EXTL1: variants seen among roughly 807,000 people sequenced by gnomAD.
The protein encoded by EXTL1 is exostosin-like 1.
A neutral mutation model predicts 64.6 loss-of-function variants in EXTL1; 43 were observed. The observed-to-expected ratio is 0.67, with a 90% CI of 0.52 to 0.86. EXTL1 has a LOEUF of 0.86. Ranked by LOEUF, EXTL1 falls within the 40% of genes least tolerant of loss-of-function variation. EXTL1 has a pLI of 0.00. For missense variants in EXTL1, 766 were observed against 879.0 expected, an observed-to-expected ratio of 0.87 and a Z score of 1.62; for synonymous variants, 352 against 360.5, an observed-to-expected ratio of 0.98 and a Z score of 0.27.
intron 6 of EXTL1, 177 bp from the exon 7 acceptor site, chr1:26,032,219 G>T: frequency 1.8e-6 from 1 of 557,674 alleles, no homozygotes; most frequent in Non-Finnish European, 3.2e-6. Flanking sequence ...TACAAGCCCA[G>T]AGGCAAGGAC....
chr1:26,029,836 T>G, intron 3 of EXTL1, 129 bp downstream of exon 3: 1 of 635,732 alleles, frequency 1.6e-6, no homozygotes, highest in Non-Finnish European at 2.9e-6. Flanking sequence ...GAATTTCTCC[T>G]AGCACCAAGT....
intron 2 of EXTL1, 23 bp downstream of exon 2, chr1:26,029,309 A>G: frequency 6.3e-7 from 1 of 1,588,946 alleles, no homozygotes; most frequent in Non-Finnish European, 8.6e-7. Context: ...TTTGAGCATC[A>G]CCCATCCTCT....
At chr1:26,031,713 A>T in intron 6 of EXTL1, 147 bp downstream of exon 6, 1 of 492,780 alleles carries the variant, frequency 2.0e-6, no homozygotes, top group South Asian at 4.2e-5. Flanking sequence ...TGCCTCCTGT[A>T]AGTCCCAAGA....
Position 26,029,659 on chromosome 1 carries a change from C to T in EXTL1, c.933C>T (p.Ile311=), listed in dbSNP as rs1280725603. The T allele has an allele frequency of 3.1e-6, 5 of 1,612,338 alleles. No individual in the cohort carries two copies. The highest frequency in any genetic ancestry group is 2.2e-5 in the East Asian group (1 of 44,870). Reference sequence around the variant, plus strand: ...GGGAGCTGCCCTTCTCCGAGGTCATCGACTGGACCAAGGCAGCCATCGTAG... The same window carrying T: ...GGGAGCTGCCCTTCTCCGAGGTCATTGACTGGACCAAGGCAGCCATCGTAG... ...PRWELPFSEV[I]DWTKAAIVAD... The change falls in exon 3 of 11, where the codon ATC becomes ATT. Residue 311 remains isoleucine, a synonymous_variant. Transcript: ENST00000374280.
intron 1 of EXTL1, among the ~76,000 whole-genome samples, chr1:26,026,213 T>C (rs2050213575): frequency 7.5e-6 from 1 of 133,374 alleles, no homozygotes; most frequent in African/African-American, 2.9e-5. Flanking sequence ...CACTCCAGCC[T>C]GGGCAGCAGA....
chr1:26,027,106 C>G (rs2050224947), intron 1 of EXTL1, among the ~76,000 whole-genome samples: 1 of 152,190 alleles, frequency 6.6e-6, no homozygotes, highest in Non-Finnish European at 1.5e-5. Context: ...ACCCACTGAG[C>G]TCCCATTCTC....
At chr1:26,029,561 G>T in intron 2 of EXTL1, 39 bp from the exon 3 acceptor site, 1 of 1,253,598 alleles carries the variant, frequency 8.0e-7, no homozygotes, top group South Asian at 1.3e-5. Context: ...GTATGTGCAG[G>T]GTGGGGCTGG....
intron 1 of EXTL1, among the ~76,000 whole-genome samples, chr1:26,024,065 T>C (rs1219800156): frequency 6.6e-6 from 1 of 152,236 alleles, no homozygotes; most frequent in African/African-American, 2.4e-5. Flanking sequence ...ATAGCAAATA[T>C]GACGCAGGTC....
chr1:26,031,348 A>T, intron 5 of EXTL1, 84 bp downstream of exon 5: 4 of 1,527,256 alleles, frequency 2.6e-6, no homozygotes, highest in Non-Finnish European at 3.6e-6. Context: ...CCCCACCAAG[A>T]CCCTTTCCAA....
chr1:26,032,140 C>A, intron 6 of EXTL1: 1 of 453,716 alleles, frequency 2.2e-6, no homozygotes, highest in Non-Finnish European at 3.9e-6. Flanking sequence ...CTAGGGACTA[C>A]CACAGACAAC....
rs1380199914 is a variant in EXTL1, at chr1:26,033,623, C to G, written c.1519-73C>G. 2 of 1,526,418 alleles carry G rather than the reference C, an allele frequency of 1.3e-6. No individual in the cohort carries two copies. Among genetic ancestry groups the G allele is most frequent in the East Asian group, 2.3e-5 (1 of 44,372 alleles). 94.6% of individuals were successfully genotyped at this position (1,526,418 alleles called of 1,614,324 possible). On this transcript the variant is annotated intron_variant, in intron 8 of 10. Coordinates refer to ENST00000374280, the MANE Select transcript of EXTL1 (RefSeq NM_004455.3). The surrounding 1 kb of genome is among the most constrained non-coding windows in gnomAD (Gnocchi z 5.1). The stretch of plus-strand genomic sequence containing the variant: ...CCCGGGCCCCTCAGCCAGGCTGCCC[C>G]TGCCTCCATTTCCCTGGATGTTCTA...
At position 26,022,090 on chromosome 1, in the gene EXTL1, C is replaced by G. The variant is rs2050156470; in HGVS notation, c.-557C>G. 1 of 152,962 alleles carries G rather than the reference C, an allele frequency of 6.5e-6. No homozygotes were observed. Among genetic ancestry groups the G allele is most frequent in the Non-Finnish European group, 1.5e-5 (1 of 68,648 alleles). 9.5% of individuals were successfully genotyped at this position (152,962 alleles called of 1,614,324 possible). ...AGCCACAGGGGCCACAGCCCAGAAG[C>G]GTCTGCCAGCGGGCACAGGGGCAGC... On this transcript the variant is annotated 5_prime_UTR_variant, in exon 1 of 11. Transcript: ENST00000374280.
chr1:26,033,695 G>T lies in EXTL1; in HGVS notation c.1519-1G>T. The T allele has an allele frequency of 6.2e-7, 1 of 1,613,778 alleles. No individual in the cohort carries two copies. The highest frequency in any genetic ancestry group is 8.5e-7 in the Non-Finnish European group (1 of 1,179,808). Reference sequence around the variant, plus strand: ...CACAGCTCACTTGAGTCCCTCCCCAGGTGGACTTTGCCTTTCTGGTGTGGC... The same window carrying T: ...CACAGCTCACTTGAGTCCCTCCCCATGTGGACTTTGCCTTTCTGGTGTGGC... On this transcript the variant is annotated splice_acceptor_variant, in intron 8 of 10. Transcript: ENST00000374280. LOFTEE classifies it high-confidence loss of function. This position sits in a 1 kb window ranked among gnomAD's most constrained non-coding sequence, Gnocchi z 5.1.
rs1028447736 is a variant in EXTL1 at position 26,032,475 on chromosome 1, G to A, written c.1421G>A (p.Gly474Glu). Reference sequence around the variant, plus strand: ...GCTGTGCCCTTGACAGTCATTGATGGGCACAGGAAGGTAAGGGATGAGGAG... The same window carrying A: ...GCTGTGCCCTTGACAGTCATTGATGAGCACAGGAAGGTAAGGGATGAGGAG... ...ETAVPLTVID[G>E]HRKVSDRFYP... The change falls in exon 7 of 11, where the codon GGG (glycine) becomes GAG (glutamate). Residue 474 changes from glycine to glutamate, a missense_variant. Transcript: ENST00000374280. 2 of 1,551,364 alleles carry A rather than the reference G, an allele frequency of 1.3e-6. No individual in the cohort carries two copies. Among genetic ancestry groups the A allele is most frequent in the Admixed American group, 2.0e-5 (1 of 50,996 alleles).
rs948393130 is a variant in EXTL1, at chr1:26,035,500, G to C, written c.*153G>C. Reference sequence around the variant, plus strand: ...GACCCCGGTTGGCCAATCACAACAGGGGGGCGTGGCCTTACCTTCTCCTGC... The same window carrying C: ...GACCCCGGTTGGCCAATCACAACAGCGGGGCGTGGCCTTACCTTCTCCTGC... On this transcript the variant is annotated 3_prime_UTR_variant, in exon 11 of 11. Transcript: ENST00000374280. The surrounding 1 kb of genome is among the most constrained non-coding windows in gnomAD (Gnocchi z 5.3). The C allele has an allele frequency of 2.7e-5, 17 of 634,178 alleles. No homozygotes were observed. Among genetic ancestry groups the C allele is most frequent in the Non-Finnish European group, 3.7e-5 (14 of 378,494 alleles). 39.3% of individuals were successfully genotyped at this position (634,178 alleles called of 1,614,324 possible).
At position 26,035,528 on chromosome 1, in the gene EXTL1, G is replaced by C; in HGVS notation, c.*181G>C. On this transcript the variant is annotated 3_prime_UTR_variant, in exon 11 of 11. Coordinates refer to ENST00000374280, the MANE Select transcript of EXTL1 (RefSeq NM_004455.3). This position sits in a 1 kb window ranked among gnomAD's most constrained non-coding sequence, Gnocchi z 5.3. ...GGCGTGGCCTTACCTTCTCCTGCTCGCCCTCAGCCGCGGAGCCTCTGCGGA... is the reference window on the plus strand; with the variant it reads ...GGCGTGGCCTTACCTTCTCCTGCTCCCCCTCAGCCGCGGAGCCTCTGCGGA... 1 of 482,138 alleles carries C rather than the reference G, an allele frequency of 2.1e-6. No homozygotes were observed. The highest frequency in any genetic ancestry group is 3.6e-6 in the Non-Finnish European group (1 of 275,388). The allele number at this position is 482,138 out of a possible 1,614,324, so 29.9% of individuals were successfully genotyped here.
chr1:26,027,520 G>T (rs529193446), intron 1 of EXTL1, among the ~76,000 whole-genome samples: 2 of 152,048 alleles, frequency 1.3e-5, no homozygotes, highest in African/African-American at 4.8e-5. Flanking sequence ...GATCAAGGAG[G>T]GTTTCCCAGA....
rs1557548221 is a variant in EXTL1, at chr1:26,022,687, T to TGTCAGCCTCCTGGCTCC, written c.42_58dup (p.Leu20ArgfsTer211). On this transcript the variant is annotated frameshift_variant, in exon 1 of 11. Coordinates refer to ENST00000374280, the MANE Select transcript of EXTL1 (RefSeq NM_004455.3). LOFTEE classifies it high-confidence loss of function. ...AGAAGAAAGTCCCTGTGGCTGGCAC[T>TGTCAGCCTCCTGGCTCC]GTCAGCCTCCTGGCTCCTGCTTGTC... 6.2e-7 allele frequency: 1 copy of TGTCAGCCTCCTGGCTCC among 1,611,972 alleles called. No homozygotes were observed. The highest frequency in any genetic ancestry group is 8.5e-7 in the Non-Finnish European group (1 of 1,178,950).
chr1:26,029,689 T>C lies in EXTL1; in HGVS notation c.963T>C (p.Asp321=). ...IDWTKAAIVA[D]ERLPLQVLAA... ...GGACCAAGGCAGCCATCGTAGCTGA[T>C]GAGAGGCTCCCACTTCAGGTAGCTC... Residue 321 remains aspartate (D), a synonymous_variant, in exon 3 of 11, where the codon GAT becomes GAC. Transcript: ENST00000374280. 1.2e-6 allele frequency: 2 copies of C among 1,611,114 alleles called. No individual in the cohort carries two copies. The highest frequency in any genetic ancestry group is 1.1e-5 in the South Asian group (1 of 90,566).
Sources: allele counts gnomAD v4.1 joint callset (sites outside exome capture counted in the v4.1 genomes callset), GRCh38; gene constraint gnomAD v4.1.1; non-coding constraint Gnocchi (gnomAD v3.1); transcripts MANE v1.5; gene names NCBI Gene and HGNC (gene_info 2026-07-23, HGNC 2026-07-21).